Variants in ZNHIT2 observed in about 807,000 individuals in gnomAD.
ZNHIT2 encodes the protein zinc finger HIT-type containing 2.
In ZNHIT2, 16 loss-of-function variants were observed where a neutral mutation model predicts 18.0. The ratio of observed to expected loss-of-function variants is 0.89; its 90% CI spans 0.60 to 1.35. The LOEUF (loss-of-function observed/expected upper bound fraction) is 1.35. Ranked by LOEUF, ZNHIT2 falls within the 40% of genes most tolerant of loss-of-function variation. The pLI, the probability that ZNHIT2 is intolerant of heterozygous loss-of-function variation, is 0.00. For missense variants in ZNHIT2, 631 were observed against 566.4 expected (o/e 1.11, Z -1.16); for synonymous variants, 336 against 269.8 (o/e 1.25, Z -2.41).
Position 65,117,492 on chromosome 11 carries a change from G to T in ZNHIT2, c.162C>A (p.Leu54=), listed in dbSNP as rs539314451. ...GGCTGGGAGGAGCGCTGCAACCGCG[G>T]AGCTCTCCCAGCACCTGGTCACGGT... ...NFYRDQVLGE[L]RGCSAPPSRL... Residue 54 remains leucine (L), a synonymous_variant, in exon 1 of 1, where the codon CTC becomes CTA. Transcript: ENST00000310597. The T allele has an allele frequency of 3.8e-6, 6 of 1,577,770 alleles. No homozygotes were observed. The African/African-American group carries it at 5.4e-5, about 14-fold the overall frequency.
Position 65,116,573 on chromosome 11 carries a change from A to T in ZNHIT2, c.1081T>A (p.Cys361Ser). 6.3e-7 allele frequency: 1 copy of T among 1,590,594 alleles called. No individual in the cohort carries two copies. Among genetic ancestry groups the T allele is most frequent in the Non-Finnish European group, 8.6e-7 (1 of 1,163,540 alleles). ...EAALTPLALDCARAHQAHAVV... is the reference protein window; with the variant it reads ...EAALTPLALDSARAHQAHAVV... ...GCATGGGCTTGGTGAGCCCTGGCGCAGTCTAGGGCCAGGGGTGTGAGGGCC... is the reference window on the plus strand; with the variant it reads ...GCATGGGCTTGGTGAGCCCTGGCGCTGTCTAGGGCCAGGGGTGTGAGGGCC... Residue 361 changes from cysteine (C) to serine (S), a missense_variant, in exon 1 of 1, where the codon TGC becomes AGC. Cys to Ser is a moderately radical substitution (Grantham distance 112). Transcript: ENST00000310597.
In ZNHIT2 at chr11:65,117,183, G is replaced by C; in HGVS notation, c.471C>G (p.Ala157=). The C allele has an allele frequency of 1.3e-6, 2 of 1,555,126 alleles. No homozygotes were observed. The highest frequency in any genetic ancestry group is 1.7e-6 in the Non-Finnish European group (2 of 1,156,584). Residue 157 remains alanine (A), a synonymous_variant, in exon 1 of 1, where the codon GCC becomes GCG. Transcript: ENST00000310597. ...PGSDAAELEL[A]PARTPPDSVK... is the part of the protein sequence containing the mutation. ...CAGAATCCGGCGGGGTCCTCGCAGG[G>C]GCGAGCTCCAGCTCCGCGGCGTCAC...
In ZNHIT2 at chr11:65,116,780, G is replaced by C; in HGVS notation, c.874C>G (p.Arg292Gly). Residue 292 changes from arginine (R) to glycine (G), a missense_variant, in exon 1 of 1, where the codon CGC becomes GGC. Arg to Gly is a moderately radical substitution (Grantham distance 125). Coordinates refer to ENST00000310597, the MANE Select transcript of ZNHIT2 (RefSeq NM_014205.4). ...GTCGGGCCCTCGCCCAGCAGGATGC[G>C]GGCGACCTCGTGCATAGCCCCTCGT... ...GTRGAMHEVA[R>G]ILLGEGPTNQ... 1 of 1,607,176 alleles carries C rather than the reference G, an allele frequency of 6.2e-7. No individual in the cohort carries two copies. Among genetic ancestry groups the C allele is most frequent in the Non-Finnish European group, 8.5e-7 (1 of 1,175,428 alleles).
rs1298768793 is a variant in ZNHIT2 at position 65,117,002 on chromosome 11, C to T, written c.652G>A (p.Val218Met). Residue 218 changes from valine (V) to methionine (M), a missense_variant, in exon 1 of 1, where the codon GTG (valine) becomes ATG (methionine). By Grantham distance (21) the Val-to-Met change is conservative. Coordinates refer to ENST00000310597, the MANE Select transcript of ZNHIT2 (RefSeq NM_014205.4). ...SPLVRFQLPN[V>M]LFAYAHTLAL... Reference sequence around the variant, plus strand: ...AGAGTATGCGCGTAGGCGAACAGCACATTGGGCAGCTGGAAGCGCACGAGC... The same window carrying T: ...AGAGTATGCGCGTAGGCGAACAGCATATTGGGCAGCTGGAAGCGCACGAGC... The T allele has an allele frequency of 6.2e-7, 1 of 1,602,168 alleles. No homozygotes were observed. Among genetic ancestry groups the T allele is most frequent in the Admixed American group, 1.7e-5 (1 of 59,086 alleles).
Position 65,117,582 on chromosome 11 carries a change from G to A in ZNHIT2, c.72C>T (p.Arg24=), listed in dbSNP as rs1030181676. ...EVQPARYTCP[R]CNAPYCSLRC... ...GCAGCGAGCAGTAGGGCGCATTACA[G>A]CGAGGGCAGGTGTAACGCGCTGGCT... Residue 24 remains arginine (R), a synonymous_variant, in exon 1 of 1, where the codon CGC becomes CGT. Coordinates refer to ENST00000310597, the MANE Select transcript of ZNHIT2 (RefSeq NM_014205.4). 7.6e-6 allele frequency: 12 copies of A among 1,568,928 alleles called. No individual in the cohort carries two copies. The highest frequency in any genetic ancestry group is 1.0e-5 in the Non-Finnish European group (12 of 1,165,942).
At position 65,117,647 on chromosome 11, in the gene ZNHIT2, G is replaced by C. The variant is rs748350558; in HGVS notation, c.7C>G (p.Pro3Ala). 4 of 1,416,494 alleles carry C rather than the reference G, an allele frequency of 2.8e-6. No homozygotes were observed. The highest frequency in any genetic ancestry group is 1.5e-5 in the African/African-American group (1 of 67,348). The allele number at this position is 1,416,494 out of a possible 1,614,324, so 87.7% of individuals were successfully genotyped here. The change falls in exon 1 of 1, where the codon CCG (proline) becomes GCG (alanine). Residue 3 changes from proline (P) to alanine (A), a missense_variant. Coordinates refer to ENST00000310597, the MANE Select transcript of ZNHIT2 (RefSeq NM_014205.4). ...GGGCAGAAGCCACAGGGCCCGGCCG[G>C]CTCCATGGCAACTGGCACCGCGATC... ME[P>A]AGPCGFCPAG...
At position 65,116,922 on chromosome 11, in the gene ZNHIT2, C is replaced by G; in HGVS notation, c.732G>C (p.Leu244=). The G allele has an allele frequency of 6.3e-7, 1 of 1,595,652 alleles. No homozygotes were observed. Among genetic ancestry groups the G allele is most frequent in the Non-Finnish European group, 8.5e-7 (1 of 1,175,426 alleles). ...DALLSDFCAT[L]LGVSGALGAQ... ...CACCCAGGGCTCCGGAAACGCCGAG[C>G]AGTGTGGCACAGAAGTCAGAGAGCA... The change falls in exon 1 of 1, where the codon CTG becomes CTC. Residue 244 remains leucine, a synonymous_variant. Transcript: ENST00000310597.
In ZNHIT2 at chr11:65,116,894, G is replaced by A. The variant is rs1947995300; in HGVS notation, c.760C>T (p.Gln254Ter). 1 of 1,598,424 alleles carries A rather than the reference G, an allele frequency of 6.3e-7. No homozygotes were observed. The change falls in exon 1 of 1, where the codon CAG (glutamine) becomes TAG (stop). Residue 254 changes from glutamine (Q) to a stop codon, truncating the protein, a stop_gained. Coordinates refer to ENST00000310597, the MANE Select transcript of ZNHIT2 (RefSeq NM_014205.4). LOFTEE classifies it high-confidence loss of function. ...TCTTCCGCAGAGGCGAAGACTTGCT[G>A]GGCACCCAGGGCTCCGGAAACGCCG... Reference protein sequence around the residue: ...LLGVSGALGAQQVFASAEEAL... With the variant: ...LLGVSGALGA
chr11:65,116,783 C>A lies in ZNHIT2; in HGVS notation c.871G>T (p.Ala291Ser). The change falls in exon 1 of 1, where the codon GCC becomes TCC. Residue 291 changes from alanine to serine, a missense_variant. By Grantham distance (99) the Ala-to-Ser change is moderately conservative (BLOSUM62 1). Transcript: ENST00000310597. ...LGTRGAMHEV[A>S]RILLGEGPTN... Reference sequence around the variant, plus strand: ...GGGCCCTCGCCCAGCAGGATGCGGGCGACCTCGTGCATAGCCCCTCGTGTG... The same window carrying A: ...GGGCCCTCGCCCAGCAGGATGCGGGAGACCTCGTGCATAGCCCCTCGTGTG... The A allele has an allele frequency of 6.2e-7, 1 of 1,606,972 alleles. No homozygotes were observed. Among genetic ancestry groups the A allele is most frequent in the Non-Finnish European group, 8.5e-7 (1 of 1,175,370 alleles).
At position 65,117,614 on chromosome 11, in the gene ZNHIT2, C is replaced by A. The variant is rs1300410955; in HGVS notation, c.40G>T (p.Glu14Ter). ...CAGGTGTAACGCGCTGGCTGGACCT[C>A]CCCCGCCGGGCAGAAGCCACAGGGC... ...AGPCGFCPAG[E>*]VQPARYTCPR... The change falls in exon 1 of 1, where the codon GAG becomes TAG. Residue 14 changes from glutamate (E) to a stop codon, truncating the protein, a stop_gained. Coordinates refer to ENST00000310597, the MANE Select transcript of ZNHIT2 (RefSeq NM_014205.4). LOFTEE classifies it high-confidence loss of function. 11 of 1,498,692 alleles carry A rather than the reference C, an allele frequency of 7.3e-6. No individual in the cohort carries two copies. The highest frequency in any genetic ancestry group is 9.7e-6 in the Non-Finnish European group (11 of 1,128,692). 92.8% of individuals were successfully genotyped at this position (1,498,692 alleles called of 1,614,324 possible). A position where few individuals can be genotyped will look rare whatever the true frequency, so the allele number is the denominator to read the frequency against.
In ZNHIT2 at chr11:65,116,619, G is replaced by A. The variant is rs1218805200; in HGVS notation, c.1035C>T (p.Ala345=). 10 of 1,613,680 alleles carry A rather than the reference G, an allele frequency of 6.2e-6. No individual in the cohort carries two copies. Among genetic ancestry groups the A allele is most frequent in the Non-Finnish European group, 8.5e-6 (10 of 1,179,806 alleles). ...GGGCCGCCTCATTTTCGTTGGTCCAGGCCAGGAGGAACTGGCACTTTTTCC... is the reference window on the plus strand; with the variant it reads ...GGGCCGCCTCATTTTCGTTGGTCCAAGCCAGGAGGAACTGGCACTTTTTCC... ...RARKKCQFLL[A]WTNENEAALT... The change falls in exon 1 of 1, where the codon GCC becomes GCT. Residue 345 remains alanine (A), a synonymous_variant. Transcript: ENST00000310597.
Position 65,116,816 on chromosome 11 carries a change from GC to G in ZNHIT2, c.837del (p.Leu281TrpfsTer79). On this transcript the variant is annotated frameshift_variant, in exon 1 of 1. Transcript: ENST00000310597. LOFTEE classifies it high-confidence loss of function. ...HVLEAGEHPPGPLGTRGAMHE... is the reference protein window; with the variant it reads ...HVLEAGEHPPXPLGTRGAMHE... ...TGCATAGCCCCTCGTGTGCCCAGGG[GC>G]CCCGGCGGGTGCTCGCCTGCTTCCA... The G allele has an allele frequency of 6.2e-7, 1 of 1,609,018 alleles. No individual in the cohort carries two copies. The highest frequency in any genetic ancestry group is 8.5e-7 in the Non-Finnish European group (1 of 1,177,962).
In ZNHIT2 at chr11:65,117,618, C is replaced by G. The variant is rs1314637976; in HGVS notation, c.36G>C (p.Ala12=). Residue 12 remains alanine, a synonymous_variant, in exon 1 of 1, where the codon GCG becomes GCC. Transcript: ENST00000310597. ...EPAGPCGFCP[A]GEVQPARYTC... is the part of the protein sequence containing the mutation. Reference sequence around the variant, plus strand: ...TGTAACGCGCTGGCTGGACCTCCCCCGCCGGGCAGAAGCCACAGGGCCCGG... The same window carrying G: ...TGTAACGCGCTGGCTGGACCTCCCCGGCCGGGCAGAAGCCACAGGGCCCGG... 9 of 1,494,664 alleles carry G rather than the reference C, an allele frequency of 6.0e-6. No homozygotes were observed. Among genetic ancestry groups the G allele is most frequent in the African/African-American group, 1.4e-5 (1 of 70,788 alleles). 92.6% of individuals were successfully genotyped at this position (1,494,664 alleles called of 1,614,324 possible). A position where few individuals can be genotyped will look rare whatever the true frequency, so the allele number is the denominator to read the frequency against.
chr11:65,117,283 G>A lies in ZNHIT2; in HGVS notation c.371C>T (p.Pro124Leu), dbSNP rs200126440. ...LSRGEAGRLL[P>L]PWRPWWWNRG... ...GTTCCACCACCACGGCCGCCATGGA[G>A]GCAGCAGCCGCCCGGCCTCACCGCG... Residue 124 changes from proline (P) to leucine (L), a missense_variant, in exon 1 of 1, where the codon CCT becomes CTT. Pro to Leu is a moderately conservative substitution (Grantham distance 98). Coordinates refer to ENST00000310597, the MANE Select transcript of ZNHIT2 (RefSeq NM_014205.4). 1,433 of 1,489,070 alleles carry A rather than the reference G, an allele frequency of 9.6e-4. 1 individual carries two copies. The highest frequency in any genetic ancestry group is 1.2e-3 in the Non-Finnish European group (1,340 of 1,130,040). 92.2% of individuals were successfully genotyped at this position (1,489,070 alleles called of 1,614,324 possible).
At position 65,117,699 on chromosome 11, in the gene ZNHIT2, T is replaced by A; in HGVS notation, c.-46A>T. 10 of 1,357,826 alleles carry A rather than the reference T, an allele frequency of 7.4e-6. No individual in the cohort carries two copies. Among genetic ancestry groups the A allele is most frequent in the South Asian group, 1.7e-5 (1 of 58,290 alleles). The allele number at this position is 1,357,826 out of a possible 1,614,324, so 84.1% of individuals were successfully genotyped here. On this transcript the variant is annotated 5_prime_UTR_variant, in exon 1 of 1. Transcript: ENST00000310597. Reference sequence around the variant, plus strand: ...ACCTGCGAACGCACGCCGGTGGTAGTTCGAAACTTCCGGGGCTTCTTCGAT... The same window carrying A: ...ACCTGCGAACGCACGCCGGTGGTAGATCGAAACTTCCGGGGCTTCTTCGAT...
Position 65,116,987 on chromosome 11 carries a change from C to T in ZNHIT2, c.667G>A (p.Ala223Thr), listed in dbSNP as rs1473001511. 9.4e-6 allele frequency: 15 copies of T among 1,602,410 alleles called. No homozygotes were observed. Among genetic ancestry groups the T allele is most frequent in the Non-Finnish European group, 1.3e-5 (15 of 1,177,726 alleles). The change falls in exon 1 of 1, where the codon GCG becomes ACG. Residue 223 changes from alanine (A) to threonine (T), a missense_variant. Physicochemically the swap from Ala to Thr is moderately conservative, Grantham distance 58. Coordinates refer to ENST00000310597, the MANE Select transcript of ZNHIT2 (RefSeq NM_014205.4). ...FQLPNVLFAY[A>T]HTLALYHGGD... The stretch of plus-strand genomic sequence containing the variant: ...CCGTGATACAGGGCGAGAGTATGCG[C>T]GTAGGCGAACAGCACATTGGGCAGC...
Position 65,117,095 on chromosome 11 carries a change from C to T in ZNHIT2, c.559G>A (p.Ala187Thr), listed in dbSNP as rs1377657958. 2.5e-6 allele frequency: 4 copies of T among 1,590,368 alleles called. No individual in the cohort carries two copies. Among genetic ancestry groups the T allele is most frequent in the Non-Finnish European group, 2.6e-6 (3 of 1,171,296 alleles). ...AERVLGDVPG[A>T]CTPVVPTRIP... ...CGGGTGGGTACGACGGGCGTGCAGG[C>T]CCCCGGGACATCTCCAAGAACCCGC... Residue 187 changes from alanine (A) to threonine (T), a missense_variant, in exon 1 of 1, where the codon GCC (alanine) becomes ACC (threonine). Coordinates refer to ENST00000310597, the MANE Select transcript of ZNHIT2 (RefSeq NM_014205.4).
chr11:65,117,033 G>A lies in ZNHIT2; in HGVS notation c.621C>T (p.Val207=), dbSNP rs772849010. Residue 207 remains valine (V), a synonymous_variant, in exon 1 of 1, where the codon GTC becomes GTT. Coordinates refer to ENST00000310597, the MANE Select transcript of ZNHIT2 (RefSeq NM_014205.4). Reference sequence around the variant, plus strand: ...GCAGCTGGAAGCGCACGAGCGGCGAGACTGGGCCGCGGCTCAGGCTGACTA... The same window carrying A: ...GCAGCTGGAAGCGCACGAGCGGCGAAACTGGGCCGCGGCTCAGGCTGACTA... The part of the protein sequence containing the change: ...PAIVSLSRGP[V]SPLVRFQLPN... The A allele has an allele frequency of 2.5e-6, 4 of 1,596,544 alleles. No individual in the cohort carries two copies.
In ZNHIT2 at chr11:65,116,669, C is replaced by T. The variant is rs1264380094; in HGVS notation, c.985G>A (p.Glu329Lys). Residue 329 changes from glutamate (E) to lysine (K), a missense_variant, in exon 1 of 1, where the codon GAG becomes AAG. Coordinates refer to ENST00000310597, the MANE Select transcript of ZNHIT2 (RefSeq NM_014205.4). Reference sequence around the variant, plus strand: ...CGGGCCCGGTAAAGATGATCTCGCTCTTCTCTAGCCACGGCCTGTTTCCGG... The same window carrying T: ...CGGGCCCGGTAAAGATGATCTCGCTTTTCTCTAGCCACGGCCTGTTTCCGG... ...RARKQAVARE[E>K]RDHLYRARKK... The T allele has an allele frequency of 1.9e-6, 3 of 1,613,930 alleles. No homozygotes were observed.
Sources: allele counts gnomAD v4.1 joint callset, GRCh38; gene constraint gnomAD v4.1.1; transcripts MANE v1.5; gene names NCBI Gene and HGNC (gene_info 2026-07-23, HGNC 2026-07-21).